Variants in KLHL29 observed in about 807,000 individuals in gnomAD.
KLHL29 encodes kelch-like protein 29.
In KLHL29, 21 loss-of-function variants were observed where a neutral mutation model predicts 80.4. That is an observed-to-expected ratio of 0.26 (90% CI 0.19 to 0.38). KLHL29 has a LOEUF of 0.38. KLHL29 is among the 10% of genes least tolerant of loss of function. The probability of loss-of-function intolerance (pLI) is 1.00; values close to 1 mark genes in which losing one functional copy is unlikely to be tolerated. For synonymous variants in KLHL29, 511 were observed against 526.8 expected, an observed-to-expected ratio of 0.97 and a Z score of 0.41; for missense variants, 867 against 1,223.9, an observed-to-expected ratio of 0.71 and a Z score of 4.35.
intron 3 of KLHL29, among the ~76,000 whole-genome samples, chr2:23,629,901 C>T (rs1172074373): frequency 6.6e-6 from 1 of 152,166 alleles, no homozygotes; most frequent in South Asian, 2.1e-4. Context: ...CACTTCCATG[C>T]TTGAGATCCG....
chr2:23,560,736 G>A (rs1164591346), intron 2 of KLHL29, among the ~76,000 whole-genome samples: 1 of 152,222 alleles, frequency 6.6e-6, no homozygotes, highest in Non-Finnish European at 1.5e-5. Context: ...TCTGCCCAGT[G>A]TGCCTGGCAG....
intron 2 of KLHL29, among the ~76,000 whole-genome samples, chr2:23,541,636 C>G (rs1666837537): frequency 6.6e-6 from 1 of 152,204 alleles, no homozygotes; most frequent in Non-Finnish European, 1.5e-5. Context: ...AGGGTGATCT[C>G]ATCTGGGTGT....
chr2:23,434,720 G>A (rs1663289755), intron 1 of KLHL29, among the ~76,000 whole-genome samples: 1 of 152,212 alleles, frequency 6.6e-6, no homozygotes, highest in Non-Finnish European at 1.5e-5. Context: ...GTTTTGACAT[G>A]CTGTAAATAG....
intron 5 of KLHL29, among the ~76,000 whole-genome samples, chr2:23,653,445 TG>T (rs1186553130): frequency 6.6e-6 from 1 of 152,202 alleles, no homozygotes; most frequent in Non-Finnish European, 1.5e-5. Context: ...TCTCCAAGCT[TG>T]CCCATGTGGT....
At chr2:23,528,705 A>AG (rs1409727320) in intron 2 of KLHL29, among the ~76,000 whole-genome samples, 1 of 152,198 alleles carries the variant, frequency 6.6e-6, no homozygotes, top group Non-Finnish European at 1.5e-5. Context: ...ATCAATGGGG[A>AG]CTGAGCTCAA....
chr2:23,593,315 C>T (rs760079166), intron 3 of KLHL29, among the ~76,000 whole-genome samples: 4 of 152,218 alleles, frequency 2.6e-5, no homozygotes, highest in African/African-American at 4.8e-5. Flanking sequence ...TGGGAGCATT[C>T]AGACACTGGA....
chr2:23,500,759 G>A (rs951006882), intron 2 of KLHL29, among the ~76,000 whole-genome samples: 7 of 152,158 alleles, frequency 4.6e-5, no homozygotes, highest in Non-Finnish European at 8.8e-5. Flanking sequence ...TTTAAAAACC[G>A]ATTACTTTCC....
Position 23,703,831 on chromosome 2 carries a change from C to A in KLHL29, c.2412C>A (p.Gly804=). The change falls in exon 13 of 14, where the codon GGC becomes GGA. Residue 804 remains glycine (G), a synonymous_variant. Coordinates refer to ENST00000486442, the MANE Select transcript of KLHL29 (RefSeq NM_052920.2). ...CTGAGAAAGGAAACATTAAGGCGGG[C>A]CCAAACATGAACCACTCTCGCCAGT... is the stretch of plus-strand genomic sequence containing the variant. The part of the protein sequence containing the change: ...YDPEKGNIKA[G]PNMNHSRQFC... The A allele has an allele frequency of 6.5e-7, 1 of 1,537,400 alleles. No homozygotes were observed. The highest frequency in any genetic ancestry group is 1.7e-4 in the Middle Eastern group (1 of 5,988).
In KLHL29 at chr2:23,580,402, G is replaced by GC. The variant is rs565014111; in HGVS notation, c.285+17922dup. On this transcript the variant is annotated intron_variant, in intron 3 of 13. Transcript: ENST00000486442. ...AAAGATCTAGCCCATTAGGCCAGGC[G>GC]CGGTGGCTCACACCTGTAATCCCAG... Among the ~76,000 whole-genome samples, 32 of 134,292 alleles carry GC rather than the reference G, an allele frequency of 2.4e-4. 1 individual carries two copies. The highest frequency in any genetic ancestry group is 8.5e-4 in the African/African-American group (31 of 36,578). The allele number at this position is 134,292 out of a possible 152,430, so 88.1% of individuals were successfully genotyped here.
chr2:23,560,977 C>T (rs11677517), intron 2 of KLHL29, among the ~76,000 whole-genome samples: 99,496 of 152,154 alleles, frequency 0.65, 33,353 homozygotes, highest in East Asian at 0.8. Context: ...CTGAGCTGGA[C>T]TGGCAGGATA....
At chr2:23,693,667 G>A in intron 8 of KLHL29, 139 bp downstream of exon 8, 2 of 921,112 alleles carry the variant, frequency 2.2e-6, no homozygotes, top group South Asian at 1.7e-5. Flanking sequence ...AGGGCGGGCA[G>A]AGAGGTGAGA....
intron 7 of KLHL29, 73 bp from the exon 8 acceptor site, chr2:23,693,196 G>A: frequency 3.4e-6 from 5 of 1,481,102 alleles, no homozygotes; most frequent in Non-Finnish European, 4.5e-6. Context: ...AGGATCTAGG[G>A]TGACAGCAAT....
intron 2 of KLHL29, among the ~76,000 whole-genome samples, chr2:23,542,651 TTC>T: frequency 6.6e-6 from 1 of 152,330 alleles, no homozygotes; most frequent in Non-Finnish European, 1.5e-5. Context: ...CCTTCCTGCA[TTC>T]TCTCCCCAGG....
intron 2 of KLHL29, among the ~76,000 whole-genome samples, chr2:23,558,607 T>C (rs1408131350): frequency 1.3e-5 from 2 of 152,192 alleles, no homozygotes; most frequent in Non-Finnish European, 2.9e-5. Flanking sequence ...TTTCACCATG[T>C]AGGCCAGGCT....
In KLHL29 at chr2:23,696,066, C is replaced by T; in HGVS notation, c.1857C>T (p.Ala619=). Residue 619 remains alanine (A), a synonymous_variant, in exon 10 of 14, where the codon GCC becomes GCT. Transcript: ENST00000486442. This position sits in a 1 kb window ranked among gnomAD's most constrained non-coding sequence, Gnocchi z 5.5. Reference sequence around the variant, plus strand: ...AGAACAACAAGTGGTACCCCTTGGCCTCGCTGCCCTTCTATGACCGCGAGT... The same window carrying T: ...AGAACAACAAGTGGTACCCCTTGGCTTCGCTGCCCTTCTATGACCGCGAGT... ...NPQNNKWYPL[A]SLPFYDREFF... is the part of the protein sequence containing the mutation. 1 of 1,551,850 alleles carries T rather than the reference C, an allele frequency of 6.4e-7. No homozygotes were observed. Among genetic ancestry groups the T allele is most frequent in the Non-Finnish European group, 8.7e-7 (1 of 1,147,014 alleles).
At chr2:23,656,688 G>C (rs1010407991) in intron 5 of KLHL29, among the ~76,000 whole-genome samples, 3 of 152,228 alleles carry the variant, frequency 2.0e-5, no homozygotes, top group Middle Eastern at 3.4e-3. Flanking sequence ...TAAGCCCCTG[G>C]GCACCAATAT....
At position 23,650,711 on chromosome 2, in the gene KLHL29, C is replaced by T. The variant is rs566557315; in HGVS notation, c.940+7861C>T. ...ATCCATGGGCCAGAACTTACCTGTG[C>T]ACGCCGCTTTCTCCTGTCATGACAG... is the stretch of plus-strand genomic sequence containing the variant. On this transcript the variant is annotated intron_variant, in intron 5 of 13. Transcript: ENST00000486442. Among the ~76,000 whole-genome samples, 5 of 152,328 alleles carry T rather than the reference C, an allele frequency of 3.3e-5. No homozygotes were observed. In the East Asian group the frequency reaches 9.7e-4, roughly 29 times the overall value.
chr2:23,599,359 T>C (rs1373976161), intron 3 of KLHL29, among the ~76,000 whole-genome samples: 2 of 152,164 alleles, frequency 1.3e-5, no homozygotes, highest in African/African-American at 4.8e-5. Context: ...AACCGGGGCT[T>C]TTCTCATCCG....
At chr2:23,409,336 G>C (rs949691727) in intron 1 of KLHL29, among the ~76,000 whole-genome samples, 6 of 152,126 alleles carry the variant, frequency 3.9e-5, no homozygotes, top group African/African-American at 1.4e-4. Flanking sequence ...TATCAGTTAT[G>C]GGAAAGGCAA....
Sources: allele counts gnomAD v4.1 joint callset (sites outside exome capture counted in the v4.1 genomes callset), GRCh38; gene constraint gnomAD v4.1.1; non-coding constraint Gnocchi (gnomAD v3.1); transcripts MANE v1.5; gene names NCBI Gene and HGNC (gene_info 2026-07-23, HGNC 2026-07-21).